Variants in LAMA3 observed in about 807,000 individuals in gnomAD.
The protein encoded by LAMA3 is laminin subunit alpha-3.
In LAMA3, 281 loss-of-function variants were observed where a neutral mutation model predicts 402.0. The ratio of observed to expected loss-of-function variants is 0.70; its 90% CI spans 0.63 to 0.77. The LOEUF (loss-of-function observed/expected upper bound fraction) is 0.77, where lower values mean the gene tolerates loss of function less well. LAMA3 is among the 30% of genes least tolerant of loss of function. The pLI is 0.00. For missense variants in LAMA3, 3,840 were observed against 4,215.5 expected, an observed-to-expected ratio of 0.91 and a Z score of 2.47; for synonymous variants, 1,431 against 1,558.4, an observed-to-expected ratio of 0.92 and a Z score of 1.93.
chr18:23,730,359 TTTTTCTTTC>T (rs2061371389), intron 2 of LAMA3, among the ~76,000 whole-genome samples: 1 of 143,138 alleles, frequency 7.0e-6, no homozygotes, highest in Non-Finnish European at 1.5e-5. Context: ...TCTTTTTTTC[TTTTTCTTTC>T]TTTTTTTTTT....
chr18:23,923,292 G>A (rs560391659), intron 62 of LAMA3, among the ~76,000 whole-genome samples: 19 of 152,238 alleles, frequency 1.2e-4, no homozygotes, highest in Non-Finnish European at 2.8e-4. Context: ...GCAGGGCAGA[G>A]ACTGGATTAG....
At chr18:23,761,377 C>T (rs2061965116) in intron 7 of LAMA3, among the ~76,000 whole-genome samples, 1 of 152,300 alleles carries the variant, frequency 6.6e-6, no homozygotes, top group Non-Finnish European at 1.5e-5. Context: ...ATACGATTAC[C>T]ATATAGTGTT....
Position 23,846,724 on chromosome 18 carries a change from C to CTG in LAMA3, c.3931+217_3931+218insGT, listed in dbSNP as rs2063824665. ...ATGCTGCTGGTCCATGGACCGCACT[C>CTG]TAAGTAGCAATGTTCTAGAAGATAA... On this transcript the variant is annotated intron_variant, in intron 31 of 74. Transcript: ENST00000313654. Among the ~76,000 whole-genome samples, 3 of 152,232 alleles carry CTG rather than the reference C, an allele frequency of 2.0e-5. No homozygotes were observed. The South Asian group carries it at 6.2e-4, about 32-fold the overall frequency.
At chr18:23,776,829 A>T (rs1302415860) in intron 10 of LAMA3, among the ~76,000 whole-genome samples, 1 of 147,668 alleles carries the variant, frequency 6.8e-6, no homozygotes, top group Non-Finnish European at 1.5e-5. Context: ...GCTGAACAGA[A>T]ATTGTATTTG....
chr18:23,932,395 C>G, intron 66 of LAMA3, 104 bp downstream of exon 66: 1 of 1,263,622 alleles, frequency 7.9e-7, no homozygotes, highest in Non-Finnish European at 1.2e-6. Context: ...ACATGTGCTG[C>G]ACGAGACCCG....
chr18:23,954,757 G>C lies in LAMA3; in HGVS notation c.*109G>C, dbSNP rs2083055843. Reference sequence around the variant, plus strand: ...CTTCACTCAGGACACAAACCAGACAGGTTTAATAGCGAATCTAATTTTGAA... The same window carrying C: ...CTTCACTCAGGACACAAACCAGACACGTTTAATAGCGAATCTAATTTTGAA... On this transcript the variant is annotated 3_prime_UTR_variant, in exon 75 of 75. Coordinates refer to ENST00000313654, the MANE Select transcript of LAMA3 (RefSeq NM_198129.4). 8 of 1,181,520 alleles carry C rather than the reference G, an allele frequency of 6.8e-6. No homozygotes were observed. Among genetic ancestry groups the C allele is most frequent in the Admixed American group, 3.4e-5 (2 of 58,858 alleles). 73.2% of individuals were successfully genotyped at this position (1,181,520 alleles called of 1,614,324 possible).
At chr18:23,748,178 C>T in intron 3 of LAMA3, 118 bp downstream of exon 3, 1 of 776,476 alleles carries the variant, frequency 1.3e-6, no homozygotes, top group South Asian at 1.4e-5. Context: ...CCTATAATCC[C>T]AGCATTTTGG....
intron 5 of LAMA3, 145 bp downstream of exon 5, chr18:23,751,233 T>C: frequency 1.3e-6 from 1 of 762,958 alleles, no homozygotes; most frequent in Non-Finnish European, 2.2e-6. Flanking sequence ...ATACTAGATA[T>C]AATTAGGAGT....
intron 11 of LAMA3, among the ~76,000 whole-genome samples, chr18:23,780,186 A>G (rs188133440): frequency 7.2e-5 from 11 of 152,296 alleles, no homozygotes; most frequent in Non-Finnish European, 1.6e-4. Flanking sequence ...TGTGCTAGTC[A>G]CTGCCAGGCA....
chr18:23,904,484 G>T, intron 50 of LAMA3, 69 bp from the exon 51 acceptor site: 2 of 1,470,348 alleles, frequency 1.4e-6, no homozygotes, highest in Non-Finnish European at 1.9e-6. Flanking sequence ...GAAATGGAAA[G>T]GTTTGGGGGG....
intron 12 of LAMA3, among the ~76,000 whole-genome samples, chr18:23,792,728 C>T (rs996850411): frequency 2.0e-5 from 3 of 152,090 alleles, no homozygotes; most frequent in Admixed American, 1.3e-4. Flanking sequence ...AGAGTATTGC[C>T]GCATTGGGAA....
intron 40 of LAMA3, among the ~76,000 whole-genome samples, chr18:23,882,623 AAAGAAAACAAAC>A (rs2064938378): frequency 6.6e-6 from 1 of 152,034 alleles, no homozygotes; most frequent in South Asian, 2.1e-4. Context: ...AAAAAAAAAA[AAAGAAAACAAAC>A]AGAAACCGTC....
At chr18:23,764,357 G>A (rs1024666475) in intron 8 of LAMA3, among the ~76,000 whole-genome samples, 10 of 152,166 alleles carry the variant, frequency 6.6e-5, no homozygotes, top group Non-Finnish European at 1.2e-4. Context: ...AGAAATCCCA[G>A]GATAAGGCTA....
At position 23,846,331 on chromosome 18, in the gene LAMA3, G is replaced by T. The variant is rs180816134; in HGVS notation, c.3754G>T (p.Ala1252Ser). ...QTASRFCKNS[A>S]RSLVAFYHKG... ...AGCCTCCAGATTCTGTAAGAATTCC[G>T]CCAGGTCCCTGGTGGCCTTTTACCA... Residue 1252 changes from alanine (A) to serine (S), a missense_variant, in exon 31 of 75, where the codon GCC becomes TCC. Physicochemically the swap from Ala to Ser is moderately conservative, Grantham distance 99 (BLOSUM62 1). Around this residue, in one of 3 missense-constraint regions of LAMA3, gnomAD observed 2,109 missense variants for 2,376.0 expected, o/e 0.89. Coordinates refer to ENST00000313654, the MANE Select transcript of LAMA3 (RefSeq NM_198129.4). 3.7e-6 allele frequency: 6 copies of T among 1,614,082 alleles called. No individual in the cohort carries two copies. The South Asian group carries it at 4.4e-5, about 12-fold the overall frequency.
At chr18:23,804,233 T>C (rs540017876) in intron 12 of LAMA3, among the ~76,000 whole-genome samples, 1 of 152,336 alleles carries the variant, frequency 6.6e-6, no homozygotes, top group South Asian at 2.1e-4. Context: ...TTCACTTATG[T>C]GGGCCTGCTG....
intron 29 of LAMA3, among the ~76,000 whole-genome samples, chr18:23,843,501 T>C (rs534485083): frequency 6.6e-6 from 1 of 152,292 alleles, no homozygotes; most frequent in African/African-American, 2.4e-5. Flanking sequence ...AACCATTCTC[T>C]TCTAGCCCCG....
At chr18:23,921,631 T>C in intron 62 of LAMA3, 46 bp downstream of exon 62, 2 of 1,603,812 alleles carry the variant, frequency 1.2e-6, no homozygotes, top group Non-Finnish European at 1.7e-6. Context: ...TTGTTAGTGG[T>C]TATGATTGTG....
chr18:23,721,012 G>A (rs547300387), intron 2 of LAMA3, among the ~76,000 whole-genome samples: 64 of 151,980 alleles, frequency 4.2e-4, no homozygotes, highest in Admixed American at 3.5e-3. Context: ...AAAATAATTA[G>A]CCAGGCATGG....
intron 7 of LAMA3, among the ~76,000 whole-genome samples, chr18:23,760,162 A>G (rs2061940046): frequency 6.6e-6 from 1 of 152,190 alleles, no homozygotes; most frequent in Non-Finnish European, 1.5e-5. Context: ...AAAAATTTAA[A>G]TCTCCTTTAA....
Sources: allele counts gnomAD v4.1 joint callset (sites outside exome capture counted in the v4.1 genomes callset), GRCh38; gene constraint gnomAD v4.1.1; regional missense constraint gnomAD v4.1.1; transcripts MANE v1.5; gene names NCBI Gene and HGNC (gene_info 2026-07-23, HGNC 2026-07-21).